CPVL: variants seen among roughly 807,000 people sequenced by gnomAD.
CPVL encodes the protein carboxypeptidase vitellogenic like, also known as probable serine carboxypeptidase CPVL.
A neutral mutation model predicts 63.7 loss-of-function variants in CPVL; 51 were observed. The ratio of observed to expected loss-of-function variants is 0.80; its 90% CI spans 0.64 to 1.01. The LOEUF (loss-of-function observed/expected upper bound fraction) is 1.01. CPVL is among the 50% of genes least tolerant of loss of function. The probability of loss-of-function intolerance (pLI) is 0.00; values close to 1 mark genes in which losing one functional copy is unlikely to be tolerated. For missense variants in CPVL, 530 were observed against 573.1 expected (o/e 0.92, Z 0.77); for synonymous variants, 195 against 206.0 (o/e 0.95, Z 0.46).
chr7:29,057,287 G>A (rs780899262), intron 11 of CPVL, among the ~76,000 whole-genome samples: 16 of 152,012 alleles, frequency 1.1e-4, no homozygotes, highest in Non-Finnish European at 2.4e-4. Context: ...CTTACCATCT[G>A]TATATTTTCA....
At chr7:29,030,141 C>T (rs773558914) in intron 12 of CPVL, among the ~76,000 whole-genome samples, 6 of 152,180 alleles carry the variant, frequency 3.9e-5, no homozygotes, top group Non-Finnish European at 4.4e-5. Flanking sequence ...ACATCTGACC[C>T]CGCAGTGGAA....
chr7:29,079,662 A>G (rs918764149), intron 7 of CPVL, among the ~76,000 whole-genome samples: 13 of 152,246 alleles, frequency 8.5e-5, no homozygotes, highest in Non-Finnish European at 1.5e-4. Context: ...CTAGCCATCA[A>G]ATTACATGAT....
At chr7:29,059,870 G>A (rs1791104020) in intron 11 of CPVL, among the ~76,000 whole-genome samples, 1 of 152,110 alleles carries the variant, frequency 6.6e-6, no homozygotes, top group African/African-American at 2.4e-5. Context: ...CTCCTGTTAA[G>A]TTTTGACTCC....
chr7:29,005,178 A>T (rs1041305481), intron 12 of CPVL, among the ~76,000 whole-genome samples: 2 of 151,964 alleles, frequency 1.3e-5, no homozygotes, highest in Admixed American at 6.6e-5. Context: ...GAGATTACCC[A>T]TCGCGCCTGG....
At chr7:29,098,779 T>C (rs1786725273) in intron 3 of CPVL, among the ~76,000 whole-genome samples, 1 of 152,100 alleles carries the variant, frequency 6.6e-6, no homozygotes, top group South Asian at 2.1e-4. Flanking sequence ...ATGGGATCAA[T>C]AGGCCAGGCA....
chr7:29,058,115 A>G (rs1300700425), intron 11 of CPVL, among the ~76,000 whole-genome samples: 1 of 152,148 alleles, frequency 6.6e-6, no homozygotes, highest in African/African-American at 2.4e-5. Flanking sequence ...GTTGGGAAGA[A>G]CTGACATCTT....
At chr7:29,153,877 T>C (rs539589599) in intron 5 of CPVL, among the ~76,000 whole-genome samples, 2 of 152,174 alleles carry the variant, frequency 1.3e-5, no homozygotes, top group African/African-American at 2.4e-5. Flanking sequence ...GCCTCCCTTA[T>C]GATTTTCTTA....
intron 3 of CPVL, among the ~76,000 whole-genome samples, chr7:29,103,411 A>ATTTTTTTTTTTTTTTTTT (rs551627609): frequency 1.5e-5 from 2 of 134,812 alleles, no homozygotes; most frequent in Non-Finnish European, 3.1e-5. Context: ...ATGCTCAGCT[A>ATTTTTTTTTTTTTTTTTT]TTTTTTTTTT....
At chr7:29,033,054 A>C (rs900799658) in intron 11 of CPVL, among the ~76,000 whole-genome samples, 4 of 152,186 alleles carry the variant, frequency 2.6e-5, no homozygotes, top group African/African-American at 9.7e-5. Flanking sequence ...AATGTGTAGA[A>C]GGTCTACTTT....
chr7:29,095,198 G>T, intron 4 of CPVL, 56 bp from the exon 5 acceptor site: 2 of 1,464,216 alleles, frequency 1.4e-6, no homozygotes. Flanking sequence ...TTCCACCGAG[G>T]CCTCATGGTG....
intron 12 of CPVL, among the ~76,000 whole-genome samples, chr7:29,008,155 T>C (rs948065911): frequency 3.3e-5 from 5 of 152,162 alleles, no homozygotes; most frequent in Admixed American, 6.5e-5. Context: ...GGGAATCCCA[T>C]GTGAATTTCT....
At chr7:29,164,475 T>C (rs187291394) in intron 5 of CPVL, among the ~76,000 whole-genome samples, 1 of 152,200 alleles carries the variant, frequency 6.6e-6, no homozygotes, top group African/African-American at 2.4e-5. Context: ...TCATTTCATT[T>C]TTTTGAAGAG....
At chr7:29,150,257 A>G (rs1415809421), upstream of CPVL, among the ~76,000 whole-genome samples, 1 of 152,214 alleles carries the variant, frequency 6.6e-6, no homozygotes, top group African/African-American at 2.4e-5. Context: ...CAGTTTTCTC[A>G]TCTGTACATG....
Position 29,064,149 on chromosome 7 carries a change from T to A in CPVL, c.1049A>T (p.Asn350Ile). ...GTACTTTTCAACTATAGTTCCATCA[T>A]TAAAAGTCTGATTCCCCACGTGGAT... ...QAIHVGNQTF[N>I]DGTIVEKYLR... Residue 350 changes from asparagine (N) to isoleucine (I), a missense_variant, in exon 11 of 13, where the codon AAT becomes ATT. Coordinates refer to ENST00000265394, the MANE Select transcript of CPVL (RefSeq NM_031311.5). The A allele has an allele frequency of 6.2e-7, 1 of 1,613,192 alleles. No individual in the cohort carries two copies. Among genetic ancestry groups the A allele is most frequent in the South Asian group, 1.1e-5 (1 of 91,060 alleles).
Position 29,074,403 on chromosome 7 carries a change from A to T in CPVL, c.610-1980T>A, listed in dbSNP as rs141271046. Among the ~76,000 whole-genome samples, 28 of 152,336 alleles carry T rather than the reference A, an allele frequency of 1.8e-4. 1 individual carries two copies. In the East Asian group the frequency reaches 5.4e-3, roughly 29 times the overall value. On this transcript the variant is annotated intron_variant, in intron 7 of 12. Transcript: ENST00000265394. ...TTCTCTTGTTAGTGACAATAAGTGA[A>T]CATTTATCAAATACAATTTCTGTAA... is the stretch of plus-strand genomic sequence containing the variant.
intron 11 of CPVL, among the ~76,000 whole-genome samples, chr7:29,047,130 T>C (rs1304999456): frequency 6.6e-6 from 1 of 152,206 alleles, no homozygotes; most frequent in Non-Finnish European, 1.5e-5. Flanking sequence ...TACTATGTGC[T>C]GGTTGCTATA....
intron 11 of CPVL, among the ~76,000 whole-genome samples, chr7:29,032,467 T>C (rs1375415723): frequency 2.6e-5 from 4 of 152,188 alleles, no homozygotes. Flanking sequence ...ATTTGCATTG[T>C]TTATATAGAG....
At chr7:29,169,162 G>T (rs1045463323) in intron 5 of CPVL, among the ~76,000 whole-genome samples, 18 of 151,984 alleles carry the variant, frequency 1.2e-4, no homozygotes, top group African/African-American at 4.1e-4. Context: ...ATTCTAGGTG[G>T]TCTATGCATT....
intron 1 of CPVL, among the ~76,000 whole-genome samples, chr7:29,141,064 G>A (rs1791819208): frequency 6.6e-6 from 1 of 152,152 alleles, no homozygotes; most frequent in Admixed American, 6.5e-5. Context: ...CACAATCAGA[G>A]GGCAGACATC....
Sources: gnomAD v4.1 joint callset for allele counts (sites outside exome capture counted in the v4.1 genomes callset) on GRCh38, gnomAD v4.1.1 for gene constraint, MANE v1.5 for transcripts, NCBI Gene and HGNC (gene_info 2026-07-23, HGNC 2026-07-21) for gene names.